Variants in WWOX observed in about 807,000 individuals in gnomAD.
The protein encoded by WWOX is WW domain containing oxidoreductase.
A neutral mutation model predicts 46.2 loss-of-function variants in WWOX; 69 were observed. That is an observed-to-expected ratio of 1.49 (90% confidence interval 1.23 to 1.82). WWOX has a LOEUF of 1.82. WWOX is among the 40% of genes most tolerant of loss of function. The pLI is 0.00. For missense variants in WWOX, 919 were observed against 542.6 expected (o/e 1.69, Z -6.89); for synonymous variants, 359 against 202.6 (o/e 1.77, Z -6.56).
intron 6 of WWOX, among the ~76,000 whole-genome samples, chr16:78,412,842 A>T (rs2082714114): frequency 6.6e-6 from 1 of 152,210 alleles, no homozygotes; most frequent in Admixed American, 6.5e-5. Flanking sequence ...GAATATTTCA[A>T]AACTATAGAC....
At chr16:78,925,460 C>G (rs1226626964) in intron 8 of WWOX, among the ~76,000 whole-genome samples, 14 of 152,148 alleles carry the variant, frequency 9.2e-5, no homozygotes. Flanking sequence ...TTAAAAAATG[C>G]CCTCACATTT....
chr16:78,776,409 C>T (rs527653610), intron 8 of WWOX, among the ~76,000 whole-genome samples: 3 of 152,130 alleles, frequency 2.0e-5, no homozygotes, highest in Non-Finnish European at 2.9e-5. Context: ...TCAACTCATA[C>T]CTACTGTTCG....
chr16:78,867,489 T>TGC (rs1170463325), intron 8 of WWOX, among the ~76,000 whole-genome samples: 2 of 140,568 alleles, frequency 1.4e-5, no homozygotes, highest in Admixed American at 1.4e-4. Context: ...TGATTTTGTG[T>TGC]GTGTGTGTGT....
chr16:78,464,034 G>T (rs960782223), intron 8 of WWOX, among the ~76,000 whole-genome samples: 2 of 152,240 alleles, frequency 1.3e-5, no homozygotes, highest in African/African-American at 4.8e-5. Flanking sequence ...GCAGTGGGCT[G>T]TTGTAGAGGA....
intron 8 of WWOX, among the ~76,000 whole-genome samples, chr16:78,775,103 C>G (rs902070221): frequency 6.6e-6 from 1 of 152,188 alleles, no homozygotes; most frequent in Non-Finnish European, 1.5e-5. Context: ...GTCACCAACT[C>G]ACTCCATCAA....
intron 8 of WWOX, chr16:79,204,073 T>G (rs1488307225): frequency 2.0e-5 from 3 of 152,124 alleles, no homozygotes; most frequent in Non-Finnish European, 4.4e-5. Context: ...GTTAGATGCT[T>G]ATTTTGTTGG....
At chr16:78,554,345 C>T (rs939663094) in intron 8 of WWOX, among the ~76,000 whole-genome samples, 3 of 152,104 alleles carry the variant, frequency 2.0e-5, no homozygotes, top group Admixed American at 6.5e-5. Flanking sequence ...TTATTTATAT[C>T]CTACCGCTCA....
chr16:78,193,481 C>A (rs952827660), intron 5 of WWOX, among the ~76,000 whole-genome samples: 1 of 27,576 alleles, frequency 3.6e-5, no homozygotes, highest in Non-Finnish European at 7.4e-5. Flanking sequence ...AGAATCAAAC[C>A]GGTGGTCTTT....
chr16:78,598,693 C>G lies in WWOX; in HGVS notation c.1056+165941C>G, dbSNP rs188377663. Among the ~76,000 whole-genome samples the G allele has an allele frequency of 6.9e-4, 105 of 152,266 alleles. 1 individual carries two copies. Among genetic ancestry groups the G allele is most frequent in the Admixed American group, 5.8e-3 (89 of 15,308 alleles). On this transcript the variant is annotated intron_variant, in intron 8 of 8. Transcript: ENST00000566780. Reference sequence around the variant, plus strand: ...CACTGGTTGAAGCAGGAGCATCTCTCCCCTTAAATGCAAAAGGAGTTAATA... The same window carrying G: ...CACTGGTTGAAGCAGGAGCATCTCTGCCCTTAAATGCAAAAGGAGTTAATA...
intron 5 of WWOX, among the ~76,000 whole-genome samples, chr16:78,253,561 T>C (rs1346183055): frequency 6.6e-6 from 1 of 152,200 alleles, no homozygotes; most frequent in Non-Finnish European, 1.5e-5. Flanking sequence ...ACTTTTGTGC[T>C]TTGACCGTCT....
At chr16:78,852,792 A>G (rs1019483312) in intron 8 of WWOX, among the ~76,000 whole-genome samples, 5 of 152,240 alleles carry the variant, frequency 3.3e-5, no homozygotes, top group Middle Eastern at 3.2e-3. Context: ...GAGTTCCTCA[A>G]TGGTTCCACC....
intron 5 of WWOX, among the ~76,000 whole-genome samples, chr16:78,186,764 C>T (rs1161442330): frequency 6.6e-6 from 1 of 152,066 alleles, no homozygotes; most frequent in Non-Finnish European, 1.5e-5. Context: ...GACCCTGTCT[C>T]AAAAGAAAAA....
chr16:78,908,955 G>T (rs2045038395), intron 8 of WWOX, among the ~76,000 whole-genome samples: 1 of 152,204 alleles, frequency 6.6e-6, no homozygotes, highest in Non-Finnish European at 1.5e-5. Flanking sequence ...TTCTAATCTT[G>T]TGGCTAATTT....
chr16:78,931,267 G>T (rs953521342), intron 8 of WWOX, among the ~76,000 whole-genome samples: 10 of 152,156 alleles, frequency 6.6e-5, no homozygotes, highest in African/African-American at 2.2e-4. Flanking sequence ...ACGCAGGTCA[G>T]CATGCTCTAG....
At chr16:78,940,355 A>C (rs957468600) in intron 8 of WWOX, among the ~76,000 whole-genome samples, 11 of 152,328 alleles carry the variant, frequency 7.2e-5, no homozygotes, top group African/African-American at 2.4e-4. Flanking sequence ...AATATGCAAA[A>C]CAGTGGTAGA....
chr16:78,342,968 A>C (rs1283933504), intron 5 of WWOX, among the ~76,000 whole-genome samples: 1 of 120,966 alleles, frequency 8.3e-6, no homozygotes, highest in African/African-American at 2.8e-5. Context: ...CTTGCAGATG[A>C]CAATAAAGGT....
chr16:78,214,675 C>G (rs2036661183), intron 5 of WWOX, among the ~76,000 whole-genome samples: 1 of 152,138 alleles, frequency 6.6e-6, no homozygotes, highest in Non-Finnish European at 1.5e-5. Flanking sequence ...AAGGCAAGGC[C>G]TTTCTTTCTT....
At chr16:78,569,336 C>G (rs566219831) in intron 8 of WWOX, among the ~76,000 whole-genome samples, 1 of 152,296 alleles carries the variant, frequency 6.6e-6, no homozygotes, top group South Asian at 2.1e-4. Context: ...TATCACTGTT[C>G]AAACTTGACA....
At chr16:78,996,100 C>T (rs980067100) in intron 8 of WWOX, 2 of 601,788 alleles carry the variant, frequency 3.3e-6, no homozygotes, top group African/African-American at 2.0e-5. Flanking sequence ...GAAATCAGAA[C>T]GTGGCCCCTT....
Sources: gnomAD v4.1 joint callset for allele counts (sites outside exome capture counted in the v4.1 genomes callset) on GRCh38, gnomAD v4.1.1 for gene constraint, MANE v1.5 for transcripts, NCBI Gene and HGNC (gene_info 2026-07-23, HGNC 2026-07-21) for gene names.